Variants in ERC1 observed in about 807,000 individuals in gnomAD.
The protein encoded by ERC1 is RAB6 interacting protein 2.
A neutral mutation model predicts 132.0 loss-of-function variants in ERC1; 56 were observed. The ratio of observed to expected loss-of-function variants is 0.42; its 90% confidence interval spans 0.34 to 0.53. The LOEUF (loss-of-function observed/expected upper bound fraction) is 0.53. Among genes scored for constraint, ERC1 ranks in the 20% least tolerant of loss-of-function variants. The pLI, the probability that ERC1 is intolerant of heterozygous loss-of-function variation, is 0.03. For synonymous variants in ERC1, 478 were observed against 476.1 expected (o/e 1.00, Z -0.05); for missense variants, 1,202 against 1,349.9 (o/e 0.89, Z 1.72).
intron 4 of ERC1, among the ~76,000 whole-genome samples, chr12:1,105,896 G>A (rs1290874310): frequency 6.6e-6 from 1 of 152,174 alleles, no homozygotes; most frequent in Non-Finnish European, 1.5e-5. Context: ...AAAGTCAAGT[G>A]ACATCATGGT....
chr12:1,164,281 GTTATT>G lies in ERC1; in HGVS notation c.1738-16251_1738-16247del, dbSNP rs1182801381. ...ATTTTATTTTATGTTGTTATTTTAT[GTTATT>G]TTATTTTGTTATTTTATTTTATGTT... On this transcript the variant is annotated intron_variant, in intron 8 of 18. Coordinates refer to ENST00000360905, the MANE Select transcript of ERC1 (RefSeq NM_178040.4). Among the ~76,000 whole-genome samples, 65 of 132,756 alleles carry G rather than the reference GTTATT, an allele frequency of 4.9e-4. 1 individual carries two copies. The highest frequency in any genetic ancestry group is 1.8e-3 in the African/African-American group (54 of 29,566). 87.1% of individuals were successfully genotyped at this position (132,756 alleles called of 152,430 possible).
chr12:1,168,946 C>T (rs1283811623), intron 8 of ERC1, among the ~76,000 whole-genome samples: 1 of 152,120 alleles, frequency 6.6e-6, no homozygotes, highest in African/African-American at 2.4e-5. Context: ...ATATAATATA[C>T]ACCTTAAAGT....
chr12:1,060,716 C>T (rs1032587054), intron 2 of ERC1, among the ~76,000 whole-genome samples: 5 of 128,996 alleles, frequency 3.9e-5, no homozygotes, highest in Non-Finnish European at 6.3e-5. Context: ...CTTCACATAA[C>T]GTGGGAAATT....
At chr12:1,210,868 G>A (rs984306653) in intron 12 of ERC1, among the ~76,000 whole-genome samples, 2 of 151,878 alleles carry the variant, frequency 1.3e-5, no homozygotes, top group African/African-American at 4.8e-5. Context: ...GGTGGCATGC[G>A]CCTGTAGTCC....
intron 8 of ERC1, among the ~76,000 whole-genome samples, chr12:1,164,271 GTTA>G (rs1351899512): frequency 1.4e-5 from 1 of 73,132 alleles, no homozygotes; most frequent in Non-Finnish European, 2.9e-5. Context: ...ATTTTATGTT[GTTA>G]TTTTATGTTA....
intron 12 of ERC1, among the ~76,000 whole-genome samples, chr12:1,204,859 A>G (rs1957216428): frequency 6.6e-6 from 1 of 152,184 alleles, no homozygotes; most frequent in Non-Finnish European, 1.5e-5. Flanking sequence ...AACGGGGTAA[A>G]GTGCCGCAAA....
intron 12 of ERC1, among the ~76,000 whole-genome samples, chr12:1,202,456 G>A (rs957651552): frequency 3.3e-5 from 5 of 152,072 alleles, no homozygotes; most frequent in East Asian, 1.9e-4. Context: ...CCAGGAGTTC[G>A]AGACCAGCTT....
intron 1 of ERC1, chr12:1,027,477 G>A (rs939219612): frequency 9.1e-5 from 15 of 164,896 alleles, no homozygotes; most frequent in Non-Finnish European, 1.7e-4. Flanking sequence ...CTCCCAGAGC[G>A]CTGGGATTAT....
intron 15 of ERC1, among the ~76,000 whole-genome samples, chr12:1,369,373 C>T (rs1406978577): frequency 6.6e-6 from 1 of 152,184 alleles, no homozygotes; most frequent in Non-Finnish European, 1.5e-5. Flanking sequence ...CAATATTTTC[C>T]TTAAGCACAA....
At chr12:1,093,070 G>A (rs535963311) in intron 3 of ERC1, among the ~76,000 whole-genome samples, 7 of 152,296 alleles carry the variant, frequency 4.6e-5, no homozygotes, top group Non-Finnish European at 7.3e-5. Flanking sequence ...CTTATAATCA[G>A]TGGCATCTTA....
At chr12:1,023,768 G>C (rs183640136) in intron 1 of ERC1, among the ~76,000 whole-genome samples, 1 of 152,258 alleles carries the variant, frequency 6.6e-6, no homozygotes, top group East Asian at 1.9e-4. Context: ...ATGATATAAA[G>C]AAACCAAGAG....
At chr12:1,395,760 G>C (rs1055736853) in intron 16 of ERC1, among the ~76,000 whole-genome samples, 2 of 151,258 alleles carry the variant, frequency 1.3e-5, no homozygotes, top group African/African-American at 2.4e-5. Flanking sequence ...AGTTTCTTAA[G>C]AACGAGCAGA....
intron 13 of ERC1, among the ~76,000 whole-genome samples, chr12:1,244,307 T>G (rs1359387507): frequency 6.6e-6 from 1 of 152,170 alleles, no homozygotes; most frequent in African/African-American, 2.4e-5. Flanking sequence ...TTTTAATCAT[T>G]TTTATCACAA....
At chr12:1,366,609 A>G (rs926054637) in intron 15 of ERC1, among the ~76,000 whole-genome samples, 2 of 152,208 alleles carry the variant, frequency 1.3e-5, no homozygotes. Flanking sequence ...ATTAGGCAAA[A>G]ATATTTGCTA....
intron 8 of ERC1, among the ~76,000 whole-genome samples, chr12:1,165,552 C>T (rs1044911175): frequency 3.3e-5 from 5 of 152,070 alleles, no homozygotes; most frequent in African/African-American, 4.8e-5. Flanking sequence ...ATGATCCACC[C>T]GCCTCGGCCT....
intron 1 of ERC1, among the ~76,000 whole-genome samples, chr12:993,573 A>G (rs1207710383): frequency 2.6e-5 from 4 of 152,074 alleles, no homozygotes; most frequent in Non-Finnish European, 4.4e-5. Flanking sequence ...TAAGTATGCC[A>G]GTCTGTTAAT....
At chr12:1,482,609 G>C (rs1415215537) in intron 18 of ERC1, among the ~76,000 whole-genome samples, 1 of 151,932 alleles carries the variant, frequency 6.6e-6, no homozygotes, top group African/African-American at 2.4e-5. Flanking sequence ...ACCACGCCCG[G>C]CTAATTTTTT....
intron 1 of ERC1, among the ~76,000 whole-genome samples, chr12:1,013,279 A>C (rs1024599881): frequency 6.6e-6 from 1 of 152,160 alleles, no homozygotes; most frequent in Non-Finnish European, 1.5e-5. Context: ...ACTGGAGAAC[A>C]ACTATGATTA....
At chr12:1,453,485 CTCACTTCCGGGCTTTCTTGATG>C (rs1171844875) in intron 18 of ERC1, among the ~76,000 whole-genome samples, 1 of 152,190 alleles carries the variant, frequency 6.6e-6, no homozygotes, top group African/African-American at 2.4e-5. Flanking sequence ...CTTATGTCTT[CTCACTTCCGGGCTTTCTTGATG>C]TCAAGCTCCC....
Sources: gnomAD v4.1 joint callset for allele counts (sites outside exome capture counted in the v4.1 genomes callset) on GRCh38, gnomAD v4.1.1 for gene constraint, MANE v1.5 for transcripts, NCBI Gene and HGNC (gene_info 2026-07-23, HGNC 2026-07-21) for gene names.